Variants in RAB11FIP4 observed in about 807,000 individuals in gnomAD.
RAB11FIP4 encodes the protein RAB11 family interacting protein 4.
In RAB11FIP4, 23 loss-of-function variants were observed where a neutral mutation model predicts 74.3. The ratio of observed to expected loss-of-function variants is 0.31; its 90% CI spans 0.22 to 0.44. The LOEUF (loss-of-function observed/expected upper bound fraction) is 0.44. RAB11FIP4 is among the 20% of genes least tolerant of loss of function. The pLI, the probability that RAB11FIP4 is intolerant of heterozygous loss-of-function variation, is 1.00. For synonymous variants in RAB11FIP4, 360 were observed against 359.9 expected, an observed-to-expected ratio of 1.00 and a Z score of 0.00; for missense variants, 630 against 863.9, an observed-to-expected ratio of 0.73 and a Z score of 3.39.
chr17:31,528,797 G>A lies in RAB11FIP4; in HGVS notation c.1653+19G>A. On this transcript the variant is annotated intron_variant, in intron 13 of 14. Transcript: ENST00000621161. Reference sequence around the variant, plus strand: ...CAAGCAGGTGGGTCTAGCAGTCTCTGTGTCCAGTGGGGCAGGGTGGCCGGG... The same window carrying A: ...CAAGCAGGTGGGTCTAGCAGTCTCTATGTCCAGTGGGGCAGGGTGGCCGGG... 3.8e-6 allele frequency: 6 copies of A among 1,595,474 alleles called. No individual in the cohort carries two copies. The highest frequency in any genetic ancestry group is 5.1e-6 in the Non-Finnish European group (6 of 1,168,972).
intron 1 of RAB11FIP4, among the ~76,000 whole-genome samples, chr17:31,421,676 C>T (rs995906212): frequency 6.6e-5 from 10 of 151,322 alleles, no homozygotes; most frequent in African/African-American, 1.9e-4. Flanking sequence ...CTTGCCTCAG[C>T]CTCCCTAGTA....
At chr17:31,403,906 CG>C (rs1430291975) in intron 1 of RAB11FIP4, among the ~76,000 whole-genome samples, 1 of 152,080 alleles carries the variant, frequency 6.6e-6, no homozygotes, top group Non-Finnish European at 1.5e-5. Context: ...GGGGTGGTCT[CG>C]GTTGGGAAAT....
Position 31,412,054 on chromosome 17 carries a change from C to T in RAB11FIP4, c.160-19759C>T, listed in dbSNP as rs565050958. ...ATGCTGAGTTCAATCACCTGGGGAG[C>T]AGCTTGGTCCTGGGAGGACCCACCA... On this transcript the variant is annotated intron_variant, in intron 1 of 14. Transcript: ENST00000621161. Among the ~76,000 whole-genome samples the T allele has an allele frequency of 4.2e-4, 64 of 152,322 alleles. 2 individuals carry two copies. In the South Asian group the frequency reaches 0.012, roughly 30 times the overall value.
chr17:31,428,904 T>C (rs992397067), intron 1 of RAB11FIP4, among the ~76,000 whole-genome samples: 3 of 152,110 alleles, frequency 2.0e-5, no homozygotes, highest in Non-Finnish European at 2.9e-5. Context: ...ATCATGCCAC[T>C]GCACTCCAGC....
At chr17:31,405,692 G>T (rs942232115) in intron 1 of RAB11FIP4, among the ~76,000 whole-genome samples, 1 of 152,094 alleles carries the variant, frequency 6.6e-6, no homozygotes, top group African/African-American at 2.4e-5. Context: ...ATCAAATATT[G>T]TTCTTGATAT....
chr17:31,408,289 G>C (rs1288802126), intron 1 of RAB11FIP4, among the ~76,000 whole-genome samples: 1 of 152,160 alleles, frequency 6.6e-6, no homozygotes, highest in Non-Finnish European at 1.5e-5. Context: ...TTCAGGGTCT[G>C]TAACGGGTAT....
chr17:31,505,584 A>AT (rs1473521011), intron 3 of RAB11FIP4, among the ~76,000 whole-genome samples: 14 of 79,538 alleles, frequency 1.8e-4, no homozygotes, highest in African/African-American at 7.1e-4. Flanking sequence ...AATATATAAT[A>AT]ATAATTATAT....
intron 1 of RAB11FIP4, among the ~76,000 whole-genome samples, chr17:31,407,701 GGT>G (rs2071055905): frequency 6.6e-6 from 1 of 152,092 alleles, no homozygotes; most frequent in Admixed American, 6.6e-5. Flanking sequence ...GACAGGTGGT[GGT>G]GTGTCCTCAG....
At position 31,521,981 on chromosome 17, in the gene RAB11FIP4, T is replaced by G; in HGVS notation, c.825T>G (p.Ser275=). The change falls in exon 6 of 15, where the codon TCT becomes TCG. Residue 275 remains serine, a synonymous_variant. Transcript: ENST00000621161. ...YNSELLDVYC[S]QCCKKINLLN... is the part of the protein sequence containing the mutation. ...GCGAATTGCTAGATGTTTACTGCTC[T>G]CAATGCTGCAAGAAAATCAACCTGC... 6.2e-7 allele frequency: 1 copy of G among 1,614,182 alleles called. No homozygotes were observed. Among genetic ancestry groups the G allele is most frequent in the Middle Eastern group, 1.6e-4 (1 of 6,062 alleles).
chr17:31,430,179 A>C (rs528382058), intron 1 of RAB11FIP4, among the ~76,000 whole-genome samples: 1 of 152,240 alleles, frequency 6.6e-6, no homozygotes, highest in South Asian at 2.1e-4. Flanking sequence ...TCCAAGTTGT[A>C]GGGAATAGCA....
chr17:31,403,386 A>C (rs576557515), intron 1 of RAB11FIP4, among the ~76,000 whole-genome samples: 113 of 151,272 alleles, frequency 7.5e-4, no homozygotes, highest in African/African-American at 2.5e-3. Flanking sequence ...GCAGTGGCGC[A>C]ATCTCGGCTC....
chr17:31,453,792 C>CAAAAAAA (rs555119408), intron 3 of RAB11FIP4, among the ~76,000 whole-genome samples: 2 of 62,626 alleles, frequency 3.2e-5, no homozygotes, highest in Admixed American at 1.8e-4. Context: ...AGACTCGTCT[C>CAAAAAAA]AAAAAAAAAA....
chr17:31,394,137 T>C (rs2070904776), intron 1 of RAB11FIP4, among the ~76,000 whole-genome samples: 1 of 152,198 alleles, frequency 6.6e-6, no homozygotes, highest in African/African-American at 2.4e-5. Flanking sequence ...GCGGTGGATA[T>C]GCATTGCAGA....
At chr17:31,508,432 C>T (rs962894323) in intron 3 of RAB11FIP4, among the ~76,000 whole-genome samples, 2 of 152,228 alleles carry the variant, frequency 1.3e-5, no homozygotes, top group African/African-American at 4.8e-5. Flanking sequence ...GCTTGGGCAG[C>T]CCTTCTCTCC....
intron 3 of RAB11FIP4, among the ~76,000 whole-genome samples, chr17:31,452,683 C>T (rs1344356192): frequency 6.6e-6 from 1 of 152,150 alleles, no homozygotes; most frequent in Non-Finnish European, 1.5e-5. Context: ...GCCTCCTCTG[C>T]CCCTCCTCCC....
chr17:31,523,747 C>T (rs1477620372), intron 8 of RAB11FIP4, 136 bp downstream of exon 8: 10 of 1,033,910 alleles, frequency 9.7e-6, no homozygotes, highest in African/African-American at 3.1e-5. Context: ...GCCCTGGTCA[C>T]GTGTTCCCCA....
At chr17:31,464,955 C>T (rs764591581) in intron 3 of RAB11FIP4, among the ~76,000 whole-genome samples, 12 of 151,050 alleles carry the variant, frequency 7.9e-5, no homozygotes, top group Non-Finnish European at 7.4e-5. Context: ...GAGACAGTTT[C>T]GCCATGTTGC....
At chr17:31,492,514 T>G (rs2072029809) in intron 3 of RAB11FIP4, among the ~76,000 whole-genome samples, 1 of 152,086 alleles carries the variant, frequency 6.6e-6, no homozygotes, top group Non-Finnish European at 1.5e-5. Flanking sequence ...CTGGGAGGAT[T>G]TGTAGCTTTG....
intron 3 of RAB11FIP4, among the ~76,000 whole-genome samples, chr17:31,445,529 ATTTTATATATATAT>A (rs1223564519): frequency 1.9e-4 from 17 of 90,734 alleles, no homozygotes; most frequent in Admixed American, 4.4e-4. Flanking sequence ...AATTTTCCCA[ATTTTATATATATAT>A]ATATATATAT....
Sources: allele counts gnomAD v4.1 joint callset (sites outside exome capture counted in the v4.1 genomes callset), GRCh38; gene constraint gnomAD v4.1.1; transcripts MANE v1.5; gene names NCBI Gene and HGNC (gene_info 2026-07-23, HGNC 2026-07-21).